The following NUP107 variants were observed in gnomAD, a reference collection of about 807,000 sequenced individuals.
NUP107 encodes the protein nucleoporin 107, also known as nuclear pore complex protein Nup107.
NUP107 carries 101 observed loss-of-function variants against 141.0 expected under a neutral mutation model. That is an observed-to-expected ratio of 0.72 (90% CI 0.61 to 0.84). NUP107 has a LOEUF of 0.84. Among genes scored for constraint, NUP107 ranks in the 40% least tolerant of loss-of-function variants. The pLI is 0.00. For synonymous variants in NUP107, 319 were observed against 363.9 expected, an observed-to-expected ratio of 0.88 and a Z score of 1.41; for missense variants, 941 against 1,102.7, an observed-to-expected ratio of 0.85 and a Z score of 2.08.
intron 5 of NUP107, 170 bp downstream of exon 5, chr12:68,692,282 C>CTCTTGTCTCAAAA: frequency 1.5e-6 from 1 of 662,564 alleles, no homozygotes; most frequent in Non-Finnish European, 2.4e-6. Context: ...TTTTTTGAGA[C>CTCTTGTCTCAAAA]AAGAGTCTCA....
intron 10 of NUP107, among the ~76,000 whole-genome samples, chr12:68,710,907 A>G (rs1876822205): frequency 6.6e-6 from 1 of 152,122 alleles, no homozygotes; most frequent in Non-Finnish European, 1.5e-5. Flanking sequence ...AGGGTCCCCT[A>G]TGGATACCAA....
chr12:68,738,870 A>G (rs887793095), intron 26 of NUP107, among the ~76,000 whole-genome samples: 1 of 152,166 alleles, frequency 6.6e-6, no homozygotes, highest in African/African-American at 2.4e-5. Flanking sequence ...AATACATGCG[A>G]CTGTCTTACC....
chr12:68,743,000 C>T lies in NUP107; in HGVS notation c.*538C>T, dbSNP rs1033199237. ...AAAATAAGAGCATATAAAGACTTAG[C>T]GTAGTACCTGGCACACAGTAAGCAC... On this transcript the variant is annotated 3_prime_UTR_variant, in exon 28 of 28. Coordinates refer to ENST00000229179, the MANE Select transcript of NUP107 (RefSeq NM_020401.4). 2.0e-5 allele frequency: 3 copies of T among 152,394 alleles called. No homozygotes were observed. The highest frequency in any genetic ancestry group is 2.9e-5 in the Non-Finnish European group (2 of 68,218). The allele number at this position is 152,394 out of a possible 1,614,324, so 9.4% of individuals were successfully genotyped here. A position where few individuals can be genotyped will look rare whatever the true frequency, so the allele number is the denominator to read the frequency against.
chr12:68,694,735 C>G (rs181411848), intron 5 of NUP107, among the ~76,000 whole-genome samples: 1 of 152,244 alleles, frequency 6.6e-6, no homozygotes, highest in African/African-American at 2.4e-5. Flanking sequence ...AACCCTCTCC[C>G]TACTAAAAAT....
intron 7 of NUP107, among the ~76,000 whole-genome samples, chr12:68,701,234 T>A (rs1876312759): frequency 6.6e-6 from 1 of 152,216 alleles, no homozygotes; most frequent in Admixed American, 6.5e-5. Flanking sequence ...ATTTTATGCC[T>A]AGAAATTTAA....
intron 17 of NUP107, among the ~76,000 whole-genome samples, chr12:68,724,771 ACT>A (rs1270880954): frequency 2.0e-5 from 3 of 152,096 alleles, no homozygotes; most frequent in Admixed American, 6.6e-5. Flanking sequence ...ACAGAGTGAG[ACT>A]CTGTCTCAAA....
Position 68,732,623 on chromosome 12 carries a change from C to G in NUP107, c.1999-14C>G. 1.3e-6 allele frequency: 2 copies of G among 1,512,122 alleles called. No homozygotes were observed. Among genetic ancestry groups the G allele is most frequent in the Non-Finnish European group, 1.8e-6 (2 of 1,115,508 alleles). 93.7% of individuals were successfully genotyped at this position (1,512,122 alleles called of 1,614,324 possible). On this transcript the variant is annotated splice_polypyrimidine_tract_variant and intron_variant, in intron 22 of 27. Coordinates refer to ENST00000229179, the MANE Select transcript of NUP107 (RefSeq NM_020401.4). The stretch of plus-strand genomic sequence containing the variant: ...CTGATATTCCTTTTTCTTTTTTTCC[C>G]CTTTAATAAATAGGAGGATCGTTTA...
intron 6 of NUP107, among the ~76,000 whole-genome samples, chr12:68,700,123 C>CA (rs2136006578): frequency 6.6e-6 from 1 of 152,128 alleles, no homozygotes; most frequent in South Asian, 2.1e-4. Context: ...AGGCTGGTCT[C>CA]AAACTCCTGA....
chr12:68,723,221 A>G (rs370001708), intron 17 of NUP107, among the ~76,000 whole-genome samples: 296 of 152,058 alleles, frequency 1.9e-3, no homozygotes, highest in African/African-American at 7.0e-3. Flanking sequence ...AAAAAAAATT[A>G]GCTGGGTATG....
chr12:68,702,355 C>G (rs887249613), intron 7 of NUP107, among the ~76,000 whole-genome samples: 1 of 152,122 alleles, frequency 6.6e-6, no homozygotes, highest in Non-Finnish European at 1.5e-5. Flanking sequence ...GAACACCCGA[C>G]CTCAGGTGAT....
At chr12:68,706,651 A>C (rs1167696825) in intron 8 of NUP107, 5 of 722,322 alleles carry the variant, frequency 6.9e-6, no homozygotes, top group East Asian at 5.2e-5. Flanking sequence ...GCTGAGCAGC[A>C]TGGGGAGCTG....
chr12:68,737,787 A>G (rs961777614), intron 26 of NUP107, among the ~76,000 whole-genome samples: 9 of 152,184 alleles, frequency 5.9e-5, no homozygotes, highest in African/African-American at 2.2e-4. Context: ...TACATAGTCA[A>G]TGACGTAGGG....
At chr12:68,693,488 A>C (rs1256325134) in intron 5 of NUP107, among the ~76,000 whole-genome samples, 1 of 152,214 alleles carries the variant, frequency 6.6e-6, no homozygotes. Context: ...TGCTGGGATT[A>C]TAGGCAACAA....
chr12:68,696,852 C>A lies in NUP107; in HGVS notation c.482C>A (p.Ser161Tyr), dbSNP rs1876086659. ...AGTATGTTTTCTGATTTCCTGCAGT[C>A]TTTTCTGAAGCACTCTTCGAGTACA... Reference protein sequence around the residue: ...SMSMFSDFLQSFLKHSSSTVF... With the variant: ...SMSMFSDFLQYFLKHSSSTVF... Residue 161 changes from serine (S) to tyrosine (Y), a missense_variant, in exon 6 of 28, where the codon TCT becomes TAT. By Grantham distance (144) the Ser-to-Tyr change is moderately radical (BLOSUM62 -2). Coordinates refer to ENST00000229179, the MANE Select transcript of NUP107 (RefSeq NM_020401.4). 1 of 1,597,916 alleles carries A rather than the reference C, an allele frequency of 6.3e-7. No homozygotes were observed. Among genetic ancestry groups the A allele is most frequent in the Non-Finnish European group, 8.5e-7 (1 of 1,173,566 alleles).
intron 12 of NUP107, among the ~76,000 whole-genome samples, chr12:68,717,899 A>T (rs960457819): frequency 4.6e-5 from 7 of 152,192 alleles, no homozygotes; most frequent in African/African-American, 1.7e-4. Flanking sequence ...GTTCAGAATG[A>T]TGTTAGGGGT....
intron 10 of NUP107, among the ~76,000 whole-genome samples, chr12:68,711,320 C>T (rs960930649): frequency 7.2e-5 from 11 of 152,056 alleles, no homozygotes; most frequent in African/African-American, 2.2e-4. Context: ...CACTGCACTC[C>T]AGCCTGGGTG....
At chr12:68,716,146 C>G (rs1208946324) in intron 12 of NUP107, among the ~76,000 whole-genome samples, 1 of 151,592 alleles carries the variant, frequency 6.6e-6, no homozygotes, top group Non-Finnish European at 1.5e-5. Flanking sequence ...CCCGCCTTGG[C>G]CTTAAAAAGT....
At chr12:68,739,148 T>C (rs527885946) in intron 26 of NUP107, among the ~76,000 whole-genome samples, 2 of 152,192 alleles carry the variant, frequency 1.3e-5, no homozygotes, top group African/African-American at 4.8e-5. Flanking sequence ...TTCAAGAACC[T>C]CTCCCCAACC....
intron 20 of NUP107, among the ~76,000 whole-genome samples, chr12:68,728,888 A>C (rs1400745003): frequency 6.6e-6 from 1 of 152,184 alleles, no homozygotes; most frequent in Non-Finnish European, 1.5e-5. Context: ...TCTATTTGAA[A>C]TGGACAACCA....
Sources: allele counts gnomAD v4.1 joint callset (sites outside exome capture counted in the v4.1 genomes callset), GRCh38; gene constraint gnomAD v4.1.1; transcripts MANE v1.5; gene names NCBI Gene and HGNC (gene_info 2026-07-23, HGNC 2026-07-21).